Variants in MAML2 observed in about 807,000 individuals in gnomAD.
The protein encoded by MAML2 is mastermind-like protein 2.
A neutral mutation model predicts 96.1 loss-of-function variants in MAML2; 22 were observed. That is an observed-to-expected ratio of 0.23 (90% CI 0.16 to 0.33). The LOEUF (loss-of-function observed/expected upper bound fraction) is 0.33. Ranked by LOEUF, MAML2 falls within the 10% of genes least tolerant of loss-of-function variation. The pLI is 1.00. For missense variants in MAML2, 1,367 were observed against 1,392.4 expected, an observed-to-expected ratio of 0.98 and a Z score of 0.29; for synonymous variants, 561 against 521.3, an observed-to-expected ratio of 1.08 and a Z score of -1.04.
chr11:96,172,075 T>C (rs1861306039), intron 1 of MAML2, among the ~76,000 whole-genome samples: 1 of 152,258 alleles, frequency 6.6e-6, no homozygotes, highest in Non-Finnish European at 1.5e-5. Flanking sequence ...CAAAGCACAG[T>C]ATATTCTGAT....
chr11:96,186,718 C>T (rs1378376823), intron 1 of MAML2, among the ~76,000 whole-genome samples: 1 of 152,244 alleles, frequency 6.6e-6, no homozygotes, highest in East Asian at 1.9e-4. Flanking sequence ...GCATTATCCT[C>T]ATTTTACAGA....
chr11:96,029,931 C>T (rs1029108319), intron 2 of MAML2, among the ~76,000 whole-genome samples: 3 of 152,122 alleles, frequency 2.0e-5, no homozygotes, highest in Admixed American at 2.0e-4. Context: ...TTTTAAAAGA[C>T]TCACTTTAAA....
chr11:96,236,571 T>A (rs1862369977), intron 1 of MAML2, among the ~76,000 whole-genome samples: 1 of 152,176 alleles, frequency 6.6e-6, no homozygotes, highest in Admixed American at 6.5e-5. Context: ...GAAATATGCA[T>A]ACGTGGAATT....
At chr11:95,987,862 A>G (rs1171008962) in intron 3 of MAML2, among the ~76,000 whole-genome samples, 1 of 152,232 alleles carries the variant, frequency 6.6e-6, no homozygotes, top group Admixed American at 6.5e-5. Context: ...TGGGTTTACA[A>G]ATTAAGGGAA....
intron 1 of MAML2, among the ~76,000 whole-genome samples, chr11:96,187,899 A>G (rs888125713): frequency 6.6e-6 from 1 of 151,912 alleles, no homozygotes; most frequent in African/African-American, 2.4e-5. Flanking sequence ...TGGACTAAGC[A>G]CTCCAGAAGA....
chr11:95,993,027 G>T (rs559412629), intron 2 of MAML2, among the ~76,000 whole-genome samples: 4 of 151,974 alleles, frequency 2.6e-5, no homozygotes, highest in African/African-American at 9.7e-5. Flanking sequence ...GACCACAGGC[G>T]TGCGCCACCT....
intron 1 of MAML2, among the ~76,000 whole-genome samples, chr11:96,212,658 T>C (rs932533359): frequency 9.2e-5 from 14 of 152,130 alleles, no homozygotes; most frequent in African/African-American, 3.4e-4. Context: ...GTAGAAGTGC[T>C]AGCAGAAAGA....
chr11:96,004,049 G>T (rs1858138718), intron 2 of MAML2, among the ~76,000 whole-genome samples: 1 of 152,140 alleles, frequency 6.6e-6, no homozygotes, highest in Non-Finnish European at 1.5e-5. Flanking sequence ...TGAATAAACT[G>T]TCAATCCCCT....
intron 1 of MAML2, among the ~76,000 whole-genome samples, chr11:96,232,383 T>C (rs1204093344): frequency 1.3e-5 from 2 of 152,216 alleles, no homozygotes; most frequent in Non-Finnish European, 1.5e-5. Context: ...TGGGCAATTA[T>C]CCAAGGAGAG....
intron 1 of MAML2, among the ~76,000 whole-genome samples, chr11:96,320,617 C>T (rs777998382): frequency 9.9e-5 from 15 of 152,260 alleles, no homozygotes; most frequent in Non-Finnish European, 1.6e-4. Context: ...TGTCAATTTC[C>T]AGATTAATGT....
chr11:95,984,371 T>C (rs1267685273), intron 4 of MAML2, among the ~76,000 whole-genome samples: 1 of 152,202 alleles, frequency 6.6e-6, no homozygotes. Flanking sequence ...TTCAGCCTCC[T>C]TGAGACAATC....
intron 2 of MAML2, among the ~76,000 whole-genome samples, chr11:96,001,633 AC>A (rs11349010): frequency 0.24 from 35,804 of 150,968 alleles, 4,532 homozygotes; most frequent in East Asian, 0.38. Context: ...TGAGAACTCA[AC>A]CCCCCCTCAC....
chr11:96,179,246 A>G (rs932762754), intron 1 of MAML2, among the ~76,000 whole-genome samples: 8 of 152,220 alleles, frequency 5.3e-5, no homozygotes, highest in African/African-American at 1.9e-4. Context: ...TCAATCTGAA[A>G]AGAGAGAAAT....
intron 1 of MAML2, among the ~76,000 whole-genome samples, chr11:96,316,215 C>G (rs540260973): frequency 6.6e-6 from 1 of 152,198 alleles, no homozygotes; most frequent in South Asian, 2.1e-4. Flanking sequence ...AGTCAGGGTA[C>G]TTGCTTGCCC....
rs539112746 is a variant in MAML2 at position 96,042,740 on chromosome 11, C to T, written c.2139+49152G>A. On this transcript the variant is annotated intron_variant, in intron 2 of 4. Coordinates refer to ENST00000524717, the MANE Select transcript of MAML2 (RefSeq NM_032427.4). ...ATGCTTGTTACCAACCAATCGTTAACGTTCTTTTTTTTTTTTTTTTTTGCG... is the reference window on the plus strand; with the variant it reads ...ATGCTTGTTACCAACCAATCGTTAATGTTCTTTTTTTTTTTTTTTTTTGCG... 2.4e-5 allele frequency among the ~76,000 whole-genome samples: 3 copies of T among 126,934 alleles called. No individual in the cohort carries two copies. The South Asian group carries it at 8.0e-4, about 34-fold the overall frequency. 83.3% of individuals were successfully genotyped at this position (126,934 alleles called of 152,430 possible).
intron 1 of MAML2, among the ~76,000 whole-genome samples, chr11:96,185,172 T>C (rs1386770964): frequency 1.3e-5 from 2 of 148,376 alleles, no homozygotes. Context: ...CTCCTTATCG[T>C]AGTGACAAAA....
intron 1 of MAML2, among the ~76,000 whole-genome samples, chr11:96,132,648 T>C (rs576381725): frequency 6.6e-6 from 1 of 152,342 alleles, no homozygotes; most frequent in South Asian, 2.1e-4. Context: ...TGGAGATGGA[T>C]ATAGCGTGTT....
At chr11:96,226,766 C>A (rs979925082) in intron 1 of MAML2, among the ~76,000 whole-genome samples, 3 of 152,122 alleles carry the variant, frequency 2.0e-5, no homozygotes, top group Admixed American at 6.6e-5. Flanking sequence ...TATTATTATT[C>A]TTATTCTTTA....
chr11:96,286,679 T>C (rs1863145409), intron 1 of MAML2, among the ~76,000 whole-genome samples: 1 of 152,000 alleles, frequency 6.6e-6, no homozygotes, highest in Non-Finnish European at 1.5e-5. Context: ...TAATTAATGT[T>C]TGTTGAATAA....
Sources: gnomAD v4.1 joint callset for allele counts (sites outside exome capture counted in the v4.1 genomes callset) on GRCh38, gnomAD v4.1.1 for gene constraint, MANE v1.5 for transcripts, NCBI Gene and HGNC (gene_info 2026-07-23, HGNC 2026-07-21) for gene names.